The following SORCS1 variants were observed in gnomAD, a reference collection of about 807,000 sequenced individuals.
SORCS1 encodes VPS10 domain-containing receptor SorCS1.
Under a neutral mutation model 146.1 loss-of-function variants are expected in SORCS1, and 60 were observed. That is an observed-to-expected ratio of 0.41 (90% CI 0.33 to 0.51). SORCS1 has a LOEUF of 0.51. SORCS1 is among the 20% of genes least tolerant of loss of function. The probability of loss-of-function intolerance (pLI) is 0.21; values close to 1 mark genes in which losing one functional copy is unlikely to be tolerated. For missense variants in SORCS1, 1,352 were observed against 1,487.6 expected, an observed-to-expected ratio of 0.91 and a Z score of 1.50; for synonymous variants, 637 against 584.0, an observed-to-expected ratio of 1.09 and a Z score of -1.31.
At chr10:106,980,992 A>G (rs1225217273) in intron 1 of SORCS1, among the ~76,000 whole-genome samples, 3 of 145,220 alleles carry the variant, frequency 2.1e-5, no homozygotes, top group South Asian at 2.1e-4. Flanking sequence ...GTTTATGAGG[A>G]AAAAAAAAAA....
At position 106,699,340 on chromosome 10, in the gene SORCS1, T is replaced by A. The variant is rs1205684318; in HGVS notation, c.1287A>T (p.Glu429Asp). ...GGTTGTACGTGTCATTCTGGTTCCATTCTTGGACCGCTGCGAACACCTGAT... is the reference window on the plus strand; with the variant it reads ...GGTTGTACGTGTCATTCTGGTTCCAATCTTGGACCGCTGCGAACACCTGAT... ...DENQVFAAVQ[E>D]WNQNDTYNLY... The change falls in exon 9 of 26, where the codon GAA (glutamate) becomes GAT (aspartate). Residue 429 changes from glutamate (E) to aspartate (D), a missense_variant. By Grantham distance (45) the Glu-to-Asp change is conservative. Coordinates refer to ENST00000263054, the MANE Select transcript of SORCS1 (RefSeq NM_052918.5). The A allele has an allele frequency of 6.2e-7, 1 of 1,613,940 alleles. No homozygotes were observed. Among genetic ancestry groups the A allele is most frequent in the Admixed American group, 1.7e-5 (1 of 60,008 alleles).
chr10:107,064,003 C>G (rs1016264776), intron 1 of SORCS1, among the ~76,000 whole-genome samples: 1 of 152,128 alleles, frequency 6.6e-6, no homozygotes, highest in Non-Finnish European at 1.5e-5. Context: ...CTCATTGAGT[C>G]GAAAGACATT....
At chr10:107,079,817 G>C (rs1031964475) in intron 1 of SORCS1, among the ~76,000 whole-genome samples, 6 of 152,136 alleles carry the variant, frequency 3.9e-5, no homozygotes, top group African/African-American at 1.4e-4. Context: ...AGCTAACACA[G>C]AAGCCAGGAT....
intron 2 of SORCS1, among the ~76,000 whole-genome samples, chr10:106,887,431 T>C (rs1951042189): frequency 6.6e-6 from 1 of 152,164 alleles, no homozygotes; most frequent in South Asian, 2.1e-4. Context: ...AAAAATGTTA[T>C]TACTTTGGTA....
chr10:106,797,055 C>T (rs1488720977), intron 3 of SORCS1, among the ~76,000 whole-genome samples: 2 of 152,076 alleles, frequency 1.3e-5, no homozygotes, highest in African/African-American at 2.4e-5. Context: ...TGCAGTAAGC[C>T]GGGATCACGC....
chr10:106,918,285 C>A (rs1042900489), intron 2 of SORCS1, among the ~76,000 whole-genome samples: 1 of 152,136 alleles, frequency 6.6e-6, no homozygotes, highest in Non-Finnish European at 1.5e-5. Context: ...CTCAGCCTCC[C>A]GAGTGGCTGG....
At chr10:106,616,015 C>G (rs771027846) in intron 21 of SORCS1, among the ~76,000 whole-genome samples, 1 of 152,154 alleles carries the variant, frequency 6.6e-6, no homozygotes, top group East Asian at 1.9e-4. Flanking sequence ...AAACCAAATG[C>G]TTAGAACAGA....
intron 3 of SORCS1, among the ~76,000 whole-genome samples, chr10:106,801,277 G>C (rs1187431441): frequency 6.6e-6 from 1 of 152,016 alleles, no homozygotes; most frequent in African/African-American, 2.4e-5. Flanking sequence ...AAATAGGAAA[G>C]GAATAAAGGC....
chr10:106,832,725 T>G (rs957511938), intron 2 of SORCS1, among the ~76,000 whole-genome samples: 1 of 152,182 alleles, frequency 6.6e-6, no homozygotes, highest in African/African-American at 2.4e-5. Flanking sequence ...ATGTAAATAC[T>G]GCTATATTAA....
At chr10:106,841,365 G>T (rs1949032447) in intron 2 of SORCS1, among the ~76,000 whole-genome samples, 1 of 152,008 alleles carries the variant, frequency 6.6e-6, no homozygotes, top group South Asian at 2.1e-4. Context: ...AGCTACTCGG[G>T]AGGCTGAGGT....
At chr10:107,084,924 A>G (rs1268238029) in intron 1 of SORCS1, among the ~76,000 whole-genome samples, 1 of 152,240 alleles carries the variant, frequency 6.6e-6, no homozygotes, top group African/African-American at 2.4e-5. Context: ...CAAGCTTATT[A>G]AAACATTGAT....
chr10:106,760,442 C>CAAAAAAAAA (rs34324078), intron 5 of SORCS1, among the ~76,000 whole-genome samples: 1 of 45,804 alleles, frequency 2.2e-5, no homozygotes, highest in African/African-American at 9.9e-5. Flanking sequence ...GACTCCGTCT[C>CAAAAAAAAA]AAAAAAAAAA....
intron 21 of SORCS1, among the ~76,000 whole-genome samples, chr10:106,616,769 A>G (rs1847391041): frequency 6.6e-6 from 1 of 152,192 alleles, no homozygotes; most frequent in African/African-American, 2.4e-5. Flanking sequence ...ATGTGTTCAA[A>G]GTTGCTTACA....
At chr10:106,761,771 C>T in intron 4 of SORCS1, 110 bp from the exon 5 acceptor site, 1 of 906,338 alleles carries the variant, frequency 1.1e-6, no homozygotes, top group Non-Finnish European at 1.7e-6. Context: ...ATTTACTGAA[C>T]ACCTGCCATA....
At chr10:106,775,882 A>G (rs1284456490) in intron 4 of SORCS1, among the ~76,000 whole-genome samples, 1 of 152,228 alleles carries the variant, frequency 6.6e-6, no homozygotes, top group East Asian at 1.9e-4. Flanking sequence ...ATGTTATAGT[A>G]TATATGTCGT....
intron 2 of SORCS1, among the ~76,000 whole-genome samples, chr10:106,844,373 A>G (rs1949212563): frequency 6.6e-6 from 1 of 152,096 alleles, no homozygotes; most frequent in South Asian, 2.1e-4. Flanking sequence ...AATTAAAATA[A>G]AATCATTTCT....
At chr10:106,878,480 T>C (rs1950676606) in intron 2 of SORCS1, among the ~76,000 whole-genome samples, 4 of 151,396 alleles carry the variant, frequency 2.6e-5, no homozygotes, top group Admixed American at 2.6e-4. Flanking sequence ...GGGGCTGCCT[T>C]GCCCCTTTCT....
chr10:106,726,587 C>T (rs2135982949), intron 6 of SORCS1, among the ~76,000 whole-genome samples: 1 of 152,072 alleles, frequency 6.6e-6, no homozygotes, highest in South Asian at 2.1e-4. Flanking sequence ...TGCCACAAGC[C>T]AGAAAACAGC....
intron 23 of SORCS1, among the ~76,000 whole-genome samples, chr10:106,606,067 T>C (rs546592578): frequency 1.3e-5 from 2 of 152,194 alleles, no homozygotes; most frequent in Non-Finnish European, 2.9e-5. Context: ...CTGGAAGAAC[T>C]GATAAATCAA....
Sources: gnomAD v4.1 joint callset for allele counts (sites outside exome capture counted in the v4.1 genomes callset) on GRCh38, gnomAD v4.1.1 for gene constraint, MANE v1.5 for transcripts, NCBI Gene and HGNC (gene_info 2026-07-23, HGNC 2026-07-21) for gene names.